Variants in ALDH1A1 observed in about 807,000 individuals in gnomAD.
The protein encoded by ALDH1A1 is aldehyde dehydrogenase 1 family member A1.
Under a neutral mutation model 62.1 loss-of-function variants are expected in ALDH1A1, and 19 were observed. The ratio of observed to expected loss-of-function variants is 0.31; its 90% CI spans 0.21 to 0.45. The LOEUF is 0.45. ALDH1A1 is among the 20% of genes least tolerant of loss of function. The pLI, the probability that ALDH1A1 is intolerant of heterozygous loss-of-function variation, is 1.00. For missense variants in ALDH1A1, 521 were observed against 607.1 expected, an observed-to-expected ratio of 0.86 and a Z score of 1.49; for synonymous variants, 231 against 215.9, an observed-to-expected ratio of 1.07 and a Z score of -0.61.
intron 1 of ALDH1A1, among the ~76,000 whole-genome samples, chr9:72,944,807 G>C (rs1225415909): frequency 2.6e-5 from 4 of 151,952 alleles, no homozygotes; most frequent in African/African-American, 9.7e-5. Flanking sequence ...TTTGGACTTA[G>C]GTGACTTTTG....
At position 72,928,930 on chromosome 9, in the gene ALDH1A1, C is replaced by T; in HGVS notation, c.404G>A (p.Gly135Asp). 2 of 1,613,970 alleles carry T rather than the reference C, an allele frequency of 1.2e-6. No individual in the cohort carries two copies. The highest frequency in any genetic ancestry group is 2.2e-5 in the East Asian group (1 of 44,858). The change falls in exon 4 of 13, where the codon GGT becomes GAT. Residue 135 changes from glycine to aspartate, a missense_variant. By Grantham distance (94) the Gly-to-Asp change is moderately conservative. Transcript: ENST00000297785. ...ACGGCCCTGGATCTTGTCAGCCCAA[C>T]CTGCACAGTAGCGCAATGTTTTGAT... ...GCIKTLRYCA[G>D]WADKIQGRTI...
At chr9:72,903,609 TAA>T (rs199838126) in intron 12 of ALDH1A1, among the ~76,000 whole-genome samples, 1,787 of 141,864 alleles carry the variant, frequency 0.013, 23 homozygotes, top group African/African-American at 0.042. Context: ...ATTTTTGAAG[TAA>T]AAAAAAAAAA....
rs995460983 is a variant in ALDH1A1, at chr9:72,901,297, C to T, written c.1434-17G>A. 3.8e-6 allele frequency: 6 copies of T among 1,568,742 alleles called. No homozygotes were observed. The highest frequency in any genetic ancestry group is 1.3e-5 in the African/African-American group (1 of 74,124). On this transcript the variant is annotated splice_polypyrimidine_tract_variant and intron_variant, in intron 12 of 12. Coordinates refer to ENST00000297785, the MANE Select transcript of ALDH1A1 (RefSeq NM_000689.5). Reference sequence around the variant, plus strand: ...TACTCTCCCCTAGAGAGAAGAAAAACATACCCACAAACACCATTTAGCACA... The same window carrying T: ...TACTCTCCCCTAGAGAGAAGAAAAATATACCCACAAACACCATTTAGCACA...
chr9:72,948,435 C>A (rs554028329), intron 1 of ALDH1A1, among the ~76,000 whole-genome samples: 21 of 152,070 alleles, frequency 1.4e-4, no homozygotes, highest in East Asian at 5.8e-4. Flanking sequence ...CATCCATTCT[C>A]TCCCTTATTC....
At chr9:72,922,664 C>T (rs1030454169) in intron 7 of ALDH1A1, among the ~76,000 whole-genome samples, 4 of 152,184 alleles carry the variant, frequency 2.6e-5, no homozygotes, top group African/African-American at 4.8e-5. Context: ...GTTGGACAGA[C>T]CTCAACAGGC....
At chr9:72,931,211 GA>G (rs1397506483) in intron 2 of ALDH1A1, among the ~76,000 whole-genome samples, 192 bp from the exon 3 acceptor site, 2 of 152,166 alleles carry the variant, frequency 1.3e-5, no homozygotes, top group Non-Finnish European at 2.9e-5. Context: ...ATCTTTACAT[GA>G]TGAGCTCCAC....
chr9:72,949,244 C>G (rs1417145699), intron 1 of ALDH1A1, among the ~76,000 whole-genome samples: 1 of 151,880 alleles, frequency 6.6e-6, no homozygotes, highest in Non-Finnish European at 1.5e-5. Context: ...CTATTGTTCT[C>G]TTTTTCTAAG....
intron 12 of ALDH1A1, among the ~76,000 whole-genome samples, chr9:72,904,283 A>G (rs924083473): frequency 1.7e-4 from 26 of 152,138 alleles, no homozygotes; most frequent in African/African-American, 6.3e-4. Flanking sequence ...GCAACATCCT[A>G]AATATATCCA....
At chr9:72,910,605 C>G (rs1404723902) in intron 10 of ALDH1A1, among the ~76,000 whole-genome samples, 4 of 152,144 alleles carry the variant, frequency 2.6e-5, no homozygotes, top group African/African-American at 4.8e-5. Context: ...AGAAAGACAA[C>G]TGGATTTTCT....
intron 2 of ALDH1A1, among the ~76,000 whole-genome samples, chr9:72,939,410 ATAATAT>A (rs997811762): frequency 1.8e-4 from 27 of 152,326 alleles, no homozygotes; most frequent in African/African-American, 6.5e-4. Context: ...GTGTTGAATA[ATAATAT>A]TAATGCAGTG....
At chr9:72,903,806 T>G (rs764263474) in intron 12 of ALDH1A1, among the ~76,000 whole-genome samples, 2 of 152,098 alleles carry the variant, frequency 1.3e-5, no homozygotes, top group Non-Finnish European at 2.9e-5. Context: ...ACTTTAGTCT[T>G]GCATTCCTTT....
At chr9:72,924,594 A>T (rs1297092543) in intron 6 of ALDH1A1, among the ~76,000 whole-genome samples, 1 of 152,222 alleles carries the variant, frequency 6.6e-6, no homozygotes, top group Admixed American at 6.5e-5. Flanking sequence ...CATTGGCATT[A>T]CTTAGTAAAT....
chr9:72,938,180 C>T (rs969842211), intron 2 of ALDH1A1, among the ~76,000 whole-genome samples: 2 of 152,100 alleles, frequency 1.3e-5, no homozygotes, highest in African/African-American at 2.4e-5. Flanking sequence ...AACACATTGT[C>T]ATGAATAATA....
chr9:72,912,155 AG>A, intron 9 of ALDH1A1, 33 bp from the exon 10 acceptor site: 1 of 1,586,624 alleles, frequency 6.3e-7, no homozygotes, highest in Non-Finnish European at 8.6e-7. Flanking sequence ...AAAGAAAAAA[AG>A]TAGTCACTTG....
chr9:72,908,543 GAAAAGAAAGAAGAAAGAAAGAAAGAAAGA>G (rs1829918103), intron 11 of ALDH1A1, among the ~76,000 whole-genome samples: 30 of 33,586 alleles, frequency 8.9e-4, no homozygotes, highest in African/African-American at 1.6e-3. Flanking sequence ...AAGAAAGAAA[GAAAAGAAAGAAGAAAGAAAGAAAGAAAGA>G]AAGAAAGAAA....
rs574844177 is a variant in ALDH1A1 at position 72,903,761 on chromosome 9, CA to C, written c.1433+2196del. Among the ~76,000 whole-genome samples, 591 of 152,010 alleles carry C rather than the reference CA, an allele frequency of 3.9e-3. 4 individuals are homozygous for C. Among genetic ancestry groups the C allele is most frequent in the African/African-American group, 0.014 (563 of 41,508 alleles). ...TTATGCCTTCACCTTAAAGTCTGACCAAATTATGTTCAACGAAATTGACATG... is the reference window on the plus strand; with the variant it reads ...TTATGCCTTCACCTTAAAGTCTGACCAATTATGTTCAACGAAATTGACATG... On this transcript the variant is annotated intron_variant, in intron 12 of 12. Coordinates refer to ENST00000297785, the MANE Select transcript of ALDH1A1 (RefSeq NM_000689.5).
intron 1 of ALDH1A1, among the ~76,000 whole-genome samples, chr9:72,943,925 A>G (rs1188616534): frequency 1.3e-5 from 2 of 151,996 alleles, no homozygotes; most frequent in African/African-American, 4.8e-5. Context: ...TCTTTGAAGG[A>G]TGGAACTGGA....
intron 12 of ALDH1A1, among the ~76,000 whole-genome samples, chr9:72,902,079 C>A (rs1829812077): frequency 6.6e-6 from 1 of 151,976 alleles, no homozygotes; most frequent in African/African-American, 2.4e-5. Flanking sequence ...CTCCTCGTCC[C>A]CTACCATTTT....
At chr9:72,913,502 C>T (rs1027305988) in intron 9 of ALDH1A1, among the ~76,000 whole-genome samples, 11 of 152,156 alleles carry the variant, frequency 7.2e-5, no homozygotes, top group African/African-American at 2.7e-4. Context: ...TGTCACTCCA[C>T]ATAAAGCTTT....
Sources: gnomAD v4.1 joint callset for allele counts (sites outside exome capture counted in the v4.1 genomes callset) on GRCh38, gnomAD v4.1.1 for gene constraint, MANE v1.5 for transcripts, NCBI Gene and HGNC (gene_info 2026-07-23, HGNC 2026-07-21) for gene names.